The following WASF2 variants were observed in gnomAD, a reference collection of about 807,000 sequenced individuals.
WASF2 encodes the protein actin-binding protein WASF2.
A neutral mutation model predicts 45.0 loss-of-function variants in WASF2; 14 were observed. The ratio of observed to expected loss-of-function variants is 0.31; its 90% CI spans 0.21 to 0.49. The LOEUF is 0.49. WASF2 is among the 20% of genes least tolerant of loss of function. The probability of loss-of-function intolerance (pLI) is 0.99; values close to 1 mark genes in which losing one functional copy is unlikely to be tolerated. For synonymous variants in WASF2, 200 were observed against 236.3 expected (o/e 0.85, Z 1.41); for missense variants, 439 against 636.1 (o/e 0.69, Z 3.33).
At chr1:27,460,250 T>C (rs1459272233) in intron 1 of WASF2, among the ~76,000 whole-genome samples, 1 of 152,182 alleles carries the variant, frequency 6.6e-6, no homozygotes, top group East Asian at 1.9e-4. Flanking sequence ...ACAAGTGTTA[T>C]AGAAATTCCT....
intron 1 of WASF2, among the ~76,000 whole-genome samples, chr1:27,461,201 T>A (rs971883383): frequency 2.6e-5 from 4 of 152,140 alleles, no homozygotes; most frequent in Non-Finnish European, 5.9e-5. Flanking sequence ...TTGAAATAAT[T>A]GCAAACTTGG....
chr1:27,430,316 G>A (rs1488496000), intron 1 of WASF2, among the ~76,000 whole-genome samples: 1 of 152,060 alleles, frequency 6.6e-6, no homozygotes, highest in East Asian at 1.9e-4. Flanking sequence ...CACATGAAAA[G>A]GTAAAGCATA....
At chr1:27,463,273 A>G (rs2017570668) in intron 1 of WASF2, among the ~76,000 whole-genome samples, 1 of 152,192 alleles carries the variant, frequency 6.6e-6, no homozygotes, top group Admixed American at 6.5e-5. Context: ...AGAATATATT[A>G]TAGATATTTT....
At position 27,484,252 on chromosome 1, in the gene WASF2, A is replaced by G. The variant is rs143811517; in HGVS notation, c.-44+5734T>C. On this transcript the variant is annotated intron_variant, in intron 1 of 8. Transcript: ENST00000618852. ...ACCAGTCCACCTCACTCTACAGTAG[A>G]GATGTCCGAGAAAACTAAGAGTAGC... is the stretch of plus-strand genomic sequence containing the variant. 2.7e-3 allele frequency among the ~76,000 whole-genome samples: 412 copies of G among 152,288 alleles called. 14 individuals are homozygous for G. The highest frequency in any genetic ancestry group is 0.018 in the Admixed American group (269 of 15,284).
intron 1 of WASF2, among the ~76,000 whole-genome samples, chr1:27,462,615 C>T (rs1366719814): frequency 6.6e-6 from 1 of 152,076 alleles, no homozygotes; most frequent in African/African-American, 2.4e-5. Context: ...CCTACTAATG[C>T]TCTTTATGGA....
At chr1:27,422,355 C>T (rs2016919214) in intron 2 of WASF2, among the ~76,000 whole-genome samples, 1 of 152,106 alleles carries the variant, frequency 6.6e-6, no homozygotes, top group African/African-American at 2.4e-5. Context: ...CGCAGTGGCT[C>T]ATGCCTGTAA....
chr1:27,461,460 A>ATTT (rs1310567255), intron 1 of WASF2, among the ~76,000 whole-genome samples: 14 of 127,700 alleles, frequency 1.1e-4, no homozygotes, highest in African/African-American at 3.6e-4. Flanking sequence ...CCACTTCAGC[A>ATTT]TTTTTTTTTT....
At chr1:27,438,167 T>TC (rs1317518365) in intron 1 of WASF2, among the ~76,000 whole-genome samples, 4 of 152,168 alleles carry the variant, frequency 2.6e-5, no homozygotes, top group African/African-American at 9.7e-5. Context: ...CAGCCAAAAG[T>TC]CCAATACACA....
At chr1:27,416,739 G>A (rs747118991) in intron 4 of WASF2, among the ~76,000 whole-genome samples, 1 of 152,194 alleles carries the variant, frequency 6.6e-6, no homozygotes, top group Admixed American at 6.5e-5. Context: ...GCCAGCTGTT[G>A]TAAGACCACA....
chr1:27,460,173 T>A (rs1388572775), intron 1 of WASF2, among the ~76,000 whole-genome samples: 3 of 152,212 alleles, frequency 2.0e-5, no homozygotes, highest in Non-Finnish European at 2.9e-5. Context: ...CCTCTCCTTG[T>A]AGAAATCCTG....
At chr1:27,488,169 C>T (rs568448420) in intron 1 of WASF2, among the ~76,000 whole-genome samples, 14 of 152,236 alleles carry the variant, frequency 9.2e-5, no homozygotes, top group African/African-American at 3.4e-4. Flanking sequence ...CTTCCTCTTC[C>T]AATTTTCTTC....
At chr1:27,484,846 A>G (rs961616138) in intron 1 of WASF2, among the ~76,000 whole-genome samples, 3 of 151,094 alleles carry the variant, frequency 2.0e-5, no homozygotes, top group African/African-American at 7.3e-5. Flanking sequence ...GAAAAAAATC[A>G]GCTTTAAAAT....
intron 2 of WASF2, 70 bp from the exon 3 acceptor site, chr1:27,419,158 T>C (rs760133054): frequency 6.3e-7 from 1 of 1,575,620 alleles, no homozygotes. Context: ...AACTGGCTAC[T>C]AAAGATCGTG....
intron 2 of WASF2, among the ~76,000 whole-genome samples, chr1:27,426,002 G>A (rs2016975558): frequency 6.6e-6 from 1 of 151,990 alleles, no homozygotes; most frequent in South Asian, 2.1e-4. Flanking sequence ...GGCAACAAGA[G>A]CAAAACTCTG....
intron 1 of WASF2, among the ~76,000 whole-genome samples, chr1:27,485,949 A>G (rs929023376): frequency 2.0e-5 from 3 of 152,172 alleles, no homozygotes; most frequent in African/African-American, 7.2e-5. Flanking sequence ...TGACCTTGTG[A>G]TCTGCCCGCC....
chr1:27,462,008 C>T (rs1412732492), intron 1 of WASF2, among the ~76,000 whole-genome samples: 1 of 144,986 alleles, frequency 6.9e-6, no homozygotes, highest in South Asian at 2.2e-4. Flanking sequence ...GATGGAGTCT[C>T]GCTCTGTCAC....
chr1:27,415,686 C>T (rs2016818146), intron 5 of WASF2, among the ~76,000 whole-genome samples: 1 of 152,144 alleles, frequency 6.6e-6, no homozygotes, highest in African/African-American at 2.4e-5. Context: ...CTTGAGTGTC[C>T]AGCAGAGTCA....
In WASF2 at chr1:27,427,512, T is replaced by C. The variant is rs139374959; in HGVS notation, c.130+1249A>G. The stretch of plus-strand genomic sequence containing the variant: ...TGTGCTTCCTCGTCAGCTGCACTGC[T>C]GTTGTGCTACTGTCAGTGTTCCTTT... On this transcript the variant is annotated intron_variant, in intron 2 of 8. Coordinates refer to ENST00000618852, the MANE Select transcript of WASF2 (RefSeq NM_006990.5). 1.3e-3 allele frequency among the ~76,000 whole-genome samples: 195 copies of C among 152,318 alleles called. 2 individuals are homozygous for C. The East Asian group carries it at 0.033, about 26-fold the overall frequency.
intron 1 of WASF2, among the ~76,000 whole-genome samples, chr1:27,464,712 T>A (rs2017591544): frequency 6.6e-6 from 1 of 152,136 alleles, no homozygotes; most frequent in South Asian, 2.1e-4. Flanking sequence ...CACTTCCAGC[T>A]TACTTTTATA....
Sources: allele counts gnomAD v4.1 joint callset (sites outside exome capture counted in the v4.1 genomes callset), GRCh38; gene constraint gnomAD v4.1.1; transcripts MANE v1.5; gene names NCBI Gene and HGNC (gene_info 2026-07-23, HGNC 2026-07-21).